Variants in ANAPC10 observed in about 807,000 individuals in gnomAD.
The protein encoded by ANAPC10 is anaphase promoting complex subunit 10, also known as anaphase-promoting complex subunit 10.
ANAPC10 carries 12 observed loss-of-function variants against 22.0 expected under a neutral mutation model. That is an observed-to-expected ratio of 0.55 (90% CI 0.35 to 0.88). The LOEUF (loss-of-function observed/expected upper bound fraction) is 0.88, where lower values mean the gene tolerates loss of function less well. Ranked by LOEUF, ANAPC10 falls within the 40% of genes least tolerant of loss-of-function variation. The pLI is 0.01. For synonymous variants in ANAPC10, 65 were observed against 69.5 expected (o/e 0.94, Z 0.32); for missense variants, 188 against 220.9 (o/e 0.85, Z 0.94).
chr4:145,068,080 G>A (rs1743967103), intron 3 of ANAPC10, among the ~76,000 whole-genome samples: 1 of 152,176 alleles, frequency 6.6e-6, no homozygotes, highest in Non-Finnish European at 1.5e-5. Context: ...GTAAAGAGAA[G>A]GAAACTGGGT....
chr4:145,043,866 C>T (rs1739887643), intron 4 of ANAPC10, among the ~76,000 whole-genome samples: 1 of 151,888 alleles, frequency 6.6e-6, no homozygotes, highest in East Asian at 1.9e-4. Context: ...AAAACCAAAC[C>T]CTTATACTAG....
intron 1 of ANAPC10, among the ~76,000 whole-genome samples, chr4:145,096,910 T>C (rs966609690): frequency 2.6e-5 from 4 of 152,092 alleles, no homozygotes; most frequent in African/African-American, 9.7e-5. Flanking sequence ...GCCCTCTAGC[T>C]GTCAAAAGTT....
At chr4:145,003,393 C>T (rs147212831) in intron 4 of ANAPC10, among the ~76,000 whole-genome samples, 144 of 152,180 alleles carry the variant, frequency 9.5e-4, no homozygotes, top group African/African-American at 3.2e-3. Flanking sequence ...GGGTATATAC[C>T]GAATAATGGA....
intron 4 of ANAPC10, among the ~76,000 whole-genome samples, chr4:145,058,890 G>A (rs1165287783): frequency 6.6e-6 from 1 of 152,050 alleles, no homozygotes; most frequent in East Asian, 1.9e-4. Context: ...AGGTTAGAAG[G>A]TAACATTTTT....
intron 4 of ANAPC10, among the ~76,000 whole-genome samples, chr4:145,054,433 C>CT (rs1741623766): frequency 6.6e-6 from 1 of 151,182 alleles, no homozygotes; most frequent in African/African-American, 2.4e-5. Context: ...TGGCAGGCGC[C>CT]TGTAGTCCCA....
intron 1 of ANAPC10, chr4:145,097,534 T>C: frequency 7.8e-7 from 1 of 1,287,226 alleles, no homozygotes; most frequent in Non-Finnish European, 1.0e-6. Context: ...AAGTTGTTCT[T>C]TAATCGGCAC....
At chr4:145,096,609 T>G (rs1169940986) in intron 1 of ANAPC10, among the ~76,000 whole-genome samples, 1 of 152,218 alleles carries the variant, frequency 6.6e-6, no homozygotes, top group Non-Finnish European at 1.5e-5. Context: ...GCTATGCAGT[T>G]CTATAATTCT....
At chr4:145,046,783 T>C (rs1401911172) in intron 4 of ANAPC10, among the ~76,000 whole-genome samples, 7 of 152,068 alleles carry the variant, frequency 4.6e-5, no homozygotes, top group Non-Finnish European at 8.8e-5. Flanking sequence ...AAATGCCAAA[T>C]ATCAACCTTA....
chr4:145,013,130 G>C (rs1734604864), intron 4 of ANAPC10, among the ~76,000 whole-genome samples: 1 of 152,116 alleles, frequency 6.6e-6, no homozygotes, highest in Admixed American at 6.5e-5. Flanking sequence ...CCAATTAAGT[G>C]TCTTTTCTTT....
At position 145,029,115 on chromosome 4, in the gene ANAPC10, G is replaced by C. The variant is rs115665834; in HGVS notation, c.328-33512C>G. Among the ~76,000 whole-genome samples, 447 of 152,252 alleles carry C rather than the reference G, an allele frequency of 2.9e-3. 2 individuals carry two copies. The highest frequency in any genetic ancestry group is 0.01 in the African/African-American group (417 of 41,542). ...AATGGGACCCTGAAACTTGGAATTA[G>C]GAAGAGTGGGAGGACTCTGATGAAG... is the stretch of plus-strand genomic sequence containing the variant. On this transcript the variant is annotated intron_variant, in intron 4 of 4. Coordinates refer to ENST00000507656, the MANE Select transcript of ANAPC10 (RefSeq NM_001256706.2).
chr4:145,073,998 A>T (rs1744847766), intron 3 of ANAPC10, among the ~76,000 whole-genome samples: 1 of 151,994 alleles, frequency 6.6e-6, no homozygotes, highest in Non-Finnish European at 1.5e-5. Context: ...ATTAGTCCCT[A>T]TAATCCATAT....
chr4:145,013,012 A>G (rs986056241), intron 4 of ANAPC10, among the ~76,000 whole-genome samples: 1 of 151,456 alleles, frequency 6.6e-6, no homozygotes, highest in Non-Finnish European at 1.5e-5. Flanking sequence ...TCTTCCTCCA[A>G]CTCCAGCCAT....
At chr4:145,081,253 T>C (rs1053479580) in intron 3 of ANAPC10, among the ~76,000 whole-genome samples, 2 of 149,712 alleles carry the variant, frequency 1.3e-5, no homozygotes, top group African/African-American at 4.9e-5. Context: ...ATTTTCCAAA[T>C]AAAAGTAAAA....
chr4:145,018,685 C>T (rs2126973650), intron 4 of ANAPC10, among the ~76,000 whole-genome samples: 1 of 151,962 alleles, frequency 6.6e-6, no homozygotes, highest in Middle Eastern at 3.4e-3. Context: ...AACCAATTGT[C>T]TGCCACCTTC....
Position 145,096,127 on chromosome 4 carries a change from G to T in ANAPC10, c.-12-16C>A. ...TTAAAATATTCTATGTAGAAAACAA[G>T]AATGCACACATTGTATCAGGAACTG... On this transcript the variant is annotated splice_polypyrimidine_tract_variant and intron_variant, in intron 1 of 4. Transcript: ENST00000507656. 1 of 1,607,392 alleles carries T rather than the reference G, an allele frequency of 6.2e-7. No homozygotes were observed. Among genetic ancestry groups the T allele is most frequent in the Non-Finnish European group, 8.5e-7 (1 of 1,178,344 alleles).
intron 4 of ANAPC10, among the ~76,000 whole-genome samples, chr4:145,001,239 TGAGGGAGGGAGGGAGG>T (rs1175458150): frequency 4.6e-5 from 2 of 43,078 alleles, no homozygotes; most frequent in Non-Finnish European, 9.1e-5. Flanking sequence ...AAGGAGGGAG[TGAGGGAGGGAGGGAGG>T]GAGGGAGGGA....
rs1318521400 is a variant in ANAPC10 at position 145,064,702 on chromosome 4, A to G, written c.207-10T>C. 1.3e-6 allele frequency: 2 copies of G among 1,495,582 alleles called. No individual in the cohort carries two copies. Among genetic ancestry groups the G allele is most frequent in the Non-Finnish European group, 1.8e-6 (2 of 1,116,260 alleles). The allele number at this position is 1,495,582 out of a possible 1,614,324, so 92.6% of individuals were successfully genotyped here. ...CACTGTTGTTTTTCTTCTAAAAGCAATAAAGTAAAAATAACATGCACTTCA... is the reference window on the plus strand; with the variant it reads ...CACTGTTGTTTTTCTTCTAAAAGCAGTAAAGTAAAAATAACATGCACTTCA... On this transcript the variant is annotated splice_polypyrimidine_tract_variant and intron_variant, in intron 3 of 4. Coordinates refer to ENST00000507656, the MANE Select transcript of ANAPC10 (RefSeq NM_001256706.2).
At chr4:145,046,735 C>G (rs1740361985) in intron 4 of ANAPC10, among the ~76,000 whole-genome samples, 1 of 152,030 alleles carries the variant, frequency 6.6e-6, no homozygotes, top group African/African-American at 2.4e-5. Flanking sequence ...ATAGGTTGTT[C>G]TCTCTGTCCA....
At chr4:145,055,915 T>C (rs897864179) in intron 4 of ANAPC10, among the ~76,000 whole-genome samples, 1 of 152,228 alleles carries the variant, frequency 6.6e-6, no homozygotes, top group Admixed American at 6.5e-5. Context: ...TTTTGTGGTA[T>C]ATGTTTTTTG....
Sources: allele counts gnomAD v4.1 joint callset (sites outside exome capture counted in the v4.1 genomes callset), GRCh38; gene constraint gnomAD v4.1.1; transcripts MANE v1.5; gene names NCBI Gene and HGNC (gene_info 2026-07-23, HGNC 2026-07-21).